Variants in RBM27 observed in about 807,000 individuals in gnomAD.
RBM27 encodes the protein RNA binding motif protein 27.
In RBM27, 22 loss-of-function variants were observed where a neutral mutation model predicts 135.3. That is an observed-to-expected ratio of 0.16 (90% CI 0.12 to 0.23). The LOEUF (loss-of-function observed/expected upper bound fraction) is 0.23. Among genes scored for constraint, RBM27 ranks in the 10% least tolerant of loss-of-function variants. The pLI is 1.00. For synonymous variants in RBM27, 481 were observed against 442.4 expected, an observed-to-expected ratio of 1.09 and a Z score of -1.10; for missense variants, 1,009 against 1,281.0, an observed-to-expected ratio of 0.79 and a Z score of 3.24.
At chr5:146,236,167 G>T (rs916102479) in intron 7 of RBM27, among the ~76,000 whole-genome samples, 1 of 152,124 alleles carries the variant, frequency 6.6e-6, no homozygotes, top group African/African-American at 2.4e-5. Context: ...CATTTCTCCC[G>T]ACATTTTGCT....
Position 146,261,761 on chromosome 5 carries a change from A to G in RBM27, c.2145A>G (p.Leu715=), listed in dbSNP as rs1758408756. 13 of 1,614,202 alleles carry G rather than the reference A, an allele frequency of 8.1e-6. No homozygotes were observed. In the East Asian group the frequency reaches 2.9e-4, roughly 36 times the overall value. The change falls in exon 13 of 21, where the codon CTA becomes CTG. Residue 715 remains leucine, a synonymous_variant. Coordinates refer to ENST00000265271, the MANE Select transcript of RBM27 (RefSeq NM_018989.2). The part of the protein sequence containing the change: ...LPQHLHQQQV[L]VAQSAPSTVH... ...AGCATCTACATCAGCAGCAGGTGCT[A>G]GTGGCCCAGTCTGCTCCTTCAACAG...
chr5:146,222,837 C>A (rs1382830019), intron 2 of RBM27, among the ~76,000 whole-genome samples: 1 of 152,120 alleles, frequency 6.6e-6, no homozygotes, highest in Non-Finnish European at 1.5e-5. Context: ...ATTTTCATAT[C>A]AGTAAATATT....
chr5:146,223,665 A>T, intron 3 of RBM27, 138 bp downstream of exon 3: 1 of 978,190 alleles, frequency 1.0e-6, no homozygotes, highest in Non-Finnish European at 1.4e-6. Flanking sequence ...CAGATTCTTC[A>T]TCAGGATTTC....
Position 146,230,779 on chromosome 5 carries a change from A to G in RBM27, c.712A>G (p.Ser238Gly), listed in dbSNP as rs1319628416. ...QYSSGAQSIP[S>G]TVTVIAPAHH... Reference sequence around the variant, plus strand: ...TTCCTCTGGGGCACAGTCTATTCCCAGCACTGTTACTGTGATCGCACCTGC... The same window carrying G: ...TTCCTCTGGGGCACAGTCTATTCCCGGCACTGTTACTGTGATCGCACCTGC... The change falls in exon 6 of 21, where the codon AGC (serine) becomes GGC (glycine). Residue 238 changes from serine (S) to glycine (G), a missense_variant. Physicochemically the swap from Ser to Gly is moderately conservative, Grantham distance 56 (BLOSUM62 0). Coordinates refer to ENST00000265271, the MANE Select transcript of RBM27 (RefSeq NM_018989.2). The G allele has an allele frequency of 6.2e-7, 1 of 1,614,110 alleles. No individual in the cohort carries two copies. Among genetic ancestry groups the G allele is most frequent in the South Asian group, 1.1e-5 (1 of 91,076 alleles).
In RBM27 at chr5:146,269,591, A is replaced by G. The variant is rs1191602907; in HGVS notation, c.2691+7A>G. On this transcript the variant is annotated splice_region_variant and intron_variant, in intron 17 of 20. Transcript: ENST00000265271. Reference sequence around the variant, plus strand: ...AGTGAAGACAAAAACGGAGGTATCTATTTGCATTTTTTATTTAACATAGGG... The same window carrying G: ...AGTGAAGACAAAAACGGAGGTATCTGTTTGCATTTTTTATTTAACATAGGG... 3 of 1,518,660 alleles carry G rather than the reference A, an allele frequency of 2.0e-6. No individual in the cohort carries two copies. The highest frequency in any genetic ancestry group is 2.4e-5 in the East Asian group (1 of 42,470). The allele number at this position is 1,518,660 out of a possible 1,614,324, so 94.1% of individuals were successfully genotyped here.
chr5:146,249,723 A>G (rs1230352281), intron 8 of RBM27, among the ~76,000 whole-genome samples: 7 of 151,918 alleles, frequency 4.6e-5, no homozygotes, highest in Admixed American at 4.6e-4. Context: ...AAAAAAAGAA[A>G]AAAAGAAAAT....
intron 8 of RBM27, among the ~76,000 whole-genome samples, chr5:146,237,878 G>T (rs1347213694): frequency 6.6e-6 from 1 of 151,844 alleles, no homozygotes; most frequent in African/African-American, 2.4e-5. Context: ...AGTAGAGACG[G>T]GGTTTCACCA....
chr5:146,204,505 G>A lies in RBM27; in HGVS notation c.59+681G>A, dbSNP rs79817615. The stretch of plus-strand genomic sequence containing the variant: ...AAAGTATTATTGAGGGCTTGATAGT[G>A]CTAGGGGAACTGATGACTTTTAGAT... On this transcript the variant is annotated intron_variant, in intron 1 of 20. Coordinates refer to ENST00000265271, the MANE Select transcript of RBM27 (RefSeq NM_018989.2). Among the ~76,000 whole-genome samples the A allele has an allele frequency of 8.3e-4, 123 of 148,022 alleles. 1 individual carries two copies. The highest frequency in any genetic ancestry group is 1.4e-3 in the Non-Finnish European group (94 of 67,188).
chr5:146,269,309 C>A, intron 16 of RBM27, 28 bp downstream of exon 16: 1 of 1,548,248 alleles, frequency 6.5e-7, no homozygotes, highest in Non-Finnish European at 8.8e-7. Flanking sequence ...TATTTGCATG[C>A]TAGAATTGAT....
At chr5:146,253,946 G>A (rs1758001325) in intron 9 of RBM27, among the ~76,000 whole-genome samples, 3 of 152,154 alleles carry the variant, frequency 2.0e-5, no homozygotes, top group South Asian at 4.1e-4. Flanking sequence ...AGTGACTGAC[G>A]TGTATGTGCG....
chr5:146,282,632 A>T (rs1306201822), intron 19 of RBM27, among the ~76,000 whole-genome samples: 3 of 152,242 alleles, frequency 2.0e-5, no homozygotes, highest in Non-Finnish European at 4.4e-5. Flanking sequence ...CAAAGTATAT[A>T]GGAGAATGTG....
At chr5:146,285,791 C>CT (rs3062196) in intron 20 of RBM27, among the ~76,000 whole-genome samples, 156 bp from the exon 21 acceptor site, 10,373 of 136,710 alleles carry the variant, frequency 0.076, 1,163 homozygotes, top group African/African-American at 0.25. Context: ...ATATTTTGGG[C>CT]TTTTTTTTTT....
At chr5:146,277,150 A>G (rs1289614059) in intron 19 of RBM27, among the ~76,000 whole-genome samples, 1 of 152,238 alleles carries the variant, frequency 6.6e-6, no homozygotes, top group Non-Finnish European at 1.5e-5. Flanking sequence ...AAATTTCTTT[A>G]CAAAGGTAGT....
intron 8 of RBM27, among the ~76,000 whole-genome samples, chr5:146,243,207 A>G (rs1018859844): frequency 6.6e-6 from 1 of 152,180 alleles, no homozygotes; most frequent in Non-Finnish European, 1.5e-5. Context: ...CAGAGGTTGC[A>G]GTGAGCTGAG....
rs541826670 is a variant in RBM27, at chr5:146,225,568, T to A, written c.303+2041T>A. On this transcript the variant is annotated intron_variant, in intron 3 of 20. Transcript: ENST00000265271. ...AGCCTTTCTGTTTTTTACCTTTCTG[T>A]TTTTTTTTTTTTTTTTGAGACGGAG... Among the ~76,000 whole-genome samples the A allele has an allele frequency of 5.1e-3, 389 of 76,490 alleles. 3 individuals are homozygous for A. Among genetic ancestry groups the A allele is most frequent in the African/African-American group, 0.015 (371 of 24,494 alleles). 50.2% of individuals were successfully genotyped at this position (76,490 alleles called of 152,430 possible). A position where few individuals can be genotyped will look rare whatever the true frequency, so the allele number is the denominator to read the frequency against.
intron 14 of RBM27, 103 bp downstream of exon 14, chr5:146,263,734 C>T: frequency 7.7e-7 from 1 of 1,302,486 alleles, no homozygotes; most frequent in East Asian, 2.4e-5. Context: ...GACAGTTAAC[C>T]TAAGTGTGGC....
At chr5:146,238,142 A>C (rs991307695) in intron 8 of RBM27, among the ~76,000 whole-genome samples, 4 of 152,220 alleles carry the variant, frequency 2.6e-5, no homozygotes, top group Non-Finnish European at 5.9e-5. Flanking sequence ...ACTGAAATAA[A>C]GGTAGAGCAT....
rs767408525 is a variant in RBM27 at position 146,286,383 on chromosome 5, A to G, written c.*353A>G. On this transcript the variant is annotated 3_prime_UTR_variant, in exon 21 of 21. Transcript: ENST00000265271. ...TTTTGGATTATAATCTACTGATAAA[A>G]TTTAATTAAATGTCAAAATCACCTG... 1.2e-5 allele frequency: 2 copies of G among 160,236 alleles called. No homozygotes were observed. The highest frequency in any genetic ancestry group is 2.7e-5 in the Non-Finnish European group (2 of 73,680). The allele number at this position is 160,236 out of a possible 1,614,324, so 9.9% of individuals were successfully genotyped here. A position where few individuals can be genotyped will look rare whatever the true frequency, so the allele number is the denominator to read the frequency against.
chr5:146,235,424 G>C (rs564618747), intron 7 of RBM27, among the ~76,000 whole-genome samples: 24 of 152,116 alleles, frequency 1.6e-4, no homozygotes, highest in African/African-American at 5.3e-4. Flanking sequence ...GGCATGTCGG[G>C]GGGTGCATGT....
Sources: gnomAD v4.1 joint callset for allele counts (sites outside exome capture counted in the v4.1 genomes callset) on GRCh38, gnomAD v4.1.1 for gene constraint, MANE v1.5 for transcripts, NCBI Gene and HGNC (gene_info 2026-07-23, HGNC 2026-07-21) for gene names.